The following MICALL2 variants were observed in gnomAD, a reference collection of about 807,000 sequenced individuals.
The protein encoded by MICALL2 is MICAL like 2.
In MICALL2, 111 loss-of-function variants were observed where a neutral mutation model predicts 91.1. That is an observed-to-expected ratio of 1.22 (90% confidence interval 1.04 to 1.43). The LOEUF is 1.43. MICALL2 is among the 40% of genes most tolerant of loss of function. The pLI is 0.00. For missense variants in MICALL2, 1,556 were observed against 1,236.0 expected (o/e 1.26, Z -3.88); for synonymous variants, 694 against 525.3 (o/e 1.32, Z -4.39).
At chr7:1,436,681 C>G (rs1033786798) in intron 15 of MICALL2, 61 bp downstream of exon 15, 6 of 1,317,148 alleles carry the variant, frequency 4.6e-6, no homozygotes, top group Non-Finnish European at 6.3e-6. Context: ...CCCTGAGGGC[C>G]GGGAGCATGG....
At position 1,459,378 on chromosome 7, in the gene MICALL2, G is replaced by T; in HGVS notation, c.-52C>A. The stretch of plus-strand genomic sequence containing the variant: ...GAACCGCCCTCCGACACCTTCCCGC[G>T]GCTGTGCCGCGACCGCCCGGCCGGC... On this transcript the variant is annotated 5_prime_UTR_variant, in exon 1 of 17. Coordinates refer to ENST00000297508, the MANE Select transcript of MICALL2 (RefSeq NM_182924.4). 7.2e-7 allele frequency: 1 copy of T among 1,389,194 alleles called. No individual in the cohort carries two copies. Among genetic ancestry groups the T allele is most frequent in the Non-Finnish European group, 9.3e-7 (1 of 1,073,770 alleles). 86.1% of individuals were successfully genotyped at this position (1,389,194 alleles called of 1,614,324 possible).
rs1250609362 is a variant in MICALL2, at chr7:1,438,301, G to A, written c.2175C>T (p.Thr725=). The stretch of plus-strand genomic sequence containing the variant: ...CACCACTACTCACCCTGACTGGGGA[G>A]GTCACCGTCTCGCCAGGCAGAGCAG... The part of the protein sequence containing the change: ...NVPALPGETV[T]SPVRLHPDYL... The change falls in exon 11 of 17, where the codon ACC becomes ACT. Residue 725 remains threonine, a synonymous_variant. Transcript: ENST00000297508. 4.4e-6 allele frequency: 7 copies of A among 1,601,420 alleles called. No homozygotes were observed. The East Asian group carries it at 9.0e-5, about 21-fold the overall frequency.
At chr7:1,436,689 T>G in intron 15 of MICALL2, 53 bp downstream of exon 15, 1 of 1,409,464 alleles carries the variant, frequency 7.1e-7, no homozygotes, top group Non-Finnish European at 9.7e-7. Flanking sequence ...GCCGGGAGCA[T>G]GGACCAGGCG....
At position 1,451,524 on chromosome 7, in the gene MICALL2, G is replaced by A. The variant is rs1457845753; in HGVS notation, c.144-1236C>T. On this transcript the variant is annotated intron_variant, in intron 1 of 16. Transcript: ENST00000297508. The surrounding 1 kb of genome is among the most constrained non-coding windows in gnomAD (Gnocchi z 4.5). ...TCAGAAAAACAAAAATATAGTGATC[G>A]TGACCCGTCTGTCCACGTTGCTGCC... is the stretch of plus-strand genomic sequence containing the variant. Among the ~76,000 whole-genome samples, 3 of 152,184 alleles carry A rather than the reference G, an allele frequency of 2.0e-5. No homozygotes were observed. Among genetic ancestry groups the A allele is most frequent in the Non-Finnish European group, 2.9e-5 (2 of 68,022 alleles).
At position 1,442,482 on chromosome 7, in the gene MICALL2, G is replaced by A. The variant is rs1400965405; in HGVS notation, c.1421C>T (p.Pro474Leu). 2.0e-6 allele frequency: 3 copies of A among 1,526,032 alleles called. No individual in the cohort carries two copies. The highest frequency in any genetic ancestry group is 2.3e-5 in the East Asian group (1 of 44,026). The allele number at this position is 1,526,032 out of a possible 1,614,324, so 94.5% of individuals were successfully genotyped here. A position where few individuals can be genotyped will look rare whatever the true frequency, so the allele number is the denominator to read the frequency against. The change falls in exon 7 of 17, where the codon CCC becomes CTC. Residue 474 changes from proline (P) to leucine (L), a missense_variant and splice_region_variant. By Grantham distance (98) the Pro-to-Leu change is moderately conservative. Coordinates refer to ENST00000297508, the MANE Select transcript of MICALL2 (RefSeq NM_182924.4). ...GGGAACAGCGGCAGTGGCTGGGGAGGGCCTATAAGTAAAAGCGCAGGCATC... is the reference window on the plus strand; with the variant it reads ...GGGAACAGCGGCAGTGGCTGGGGAGAGCCTATAAGTAAAAGCGCAGGCATC... ...EEAGAPAPGRPSPATAAVPSS... is the reference protein window; with the variant it reads ...EEAGAPAPGRLSPATAAVPSS...
chr7:1,459,160 C>A, intron 1 of MICALL2, 24 bp downstream of exon 1: 1 of 1,597,794 alleles, frequency 6.3e-7, no homozygotes, highest in South Asian at 1.1e-5. Flanking sequence ...GCAGAAGAAT[C>A]AAAGGGCGCC....
intron 2 of MICALL2, 135 bp downstream of exon 2, chr7:1,450,105 A>G (rs961143327): frequency 5.6e-6 from 4 of 713,444 alleles, no homozygotes; most frequent in Middle Eastern, 4.1e-4. Flanking sequence ...CGGGCTGGTC[A>G]GGGAGCCCCC....
At chr7:1,434,795 G>T in intron 16 of MICALL2, 123 bp from the exon 17 acceptor site, 1 of 1,044,060 alleles carries the variant, frequency 9.6e-7, no homozygotes, top group South Asian at 1.6e-5. Flanking sequence ...CTGGGCCTCC[G>T]AGCCTGCAGG....
chr7:1,439,290 G>C, intron 9 of MICALL2: 3 of 420,848 alleles, frequency 7.1e-6, no homozygotes, highest in Admixed American at 4.1e-5. Context: ...TACACACAGA[G>C]ATGTGTGTGC....
At chr7:1,453,318 A>G (rs141644869) in intron 1 of MICALL2, among the ~76,000 whole-genome samples, 530 of 152,122 alleles carry the variant, frequency 3.5e-3, no homozygotes, top group African/African-American at 0.012. Context: ...TGTCCTCATA[A>G]AAGGGAAATG....
rs1489373218 is a variant in MICALL2, at chr7:1,444,654, G to T, written c.1416C>A (p.Gly472=). 1 of 1,608,912 alleles carries T rather than the reference G, an allele frequency of 6.2e-7. No homozygotes were observed. ...ALEEAGAPAP[G]RPSPATAAVP... ...TCCCTCGGTCCCCACGCGCTCACCT[G>T]CCAGGCGCCGGAGCGCCAGCCTCTT... Residue 472 remains glycine (G), a splice_region_variant and synonymous_variant, in exon 6 of 17, where the codon GGC becomes GGA. Transcript: ENST00000297508.
rs200767614 is a variant in MICALL2 at position 1,436,770 on chromosome 7, C to T, written c.2563G>A (p.Val855Met). Residue 855 changes from valine to methionine, a missense_variant, in exon 15 of 17, where the codon GTG becomes ATG. Transcript: ENST00000297508. Reference protein sequence around the residue: ...VSTVNDRSDIVDSLDEDRLRE... With the variant: ...VSTVNDRSDIMDSLDEDRLRE... ...AGCCGGTCCTCGTCCAGCGAGTCCA[C>T]GATGTCACTGCGGTCGTTCACGGTG... The T allele has an allele frequency of 3.1e-6, 5 of 1,607,910 alleles. No homozygotes were observed. In the South Asian group the frequency reaches 3.3e-5, roughly 11 times the overall value.
Position 1,435,162 on chromosome 7 carries a change from G to A in MICALL2, c.2592-15C>T. ...CCTCTTGTTCCCTGAAACGGGACCA[G>A]ATGGCCATGAGCGACAATGGCAATG... On this transcript the variant is annotated splice_polypyrimidine_tract_variant and intron_variant, in intron 15 of 16. Transcript: ENST00000297508. 1.2e-6 allele frequency: 2 copies of A among 1,613,330 alleles called. No individual in the cohort carries two copies. The highest frequency in any genetic ancestry group is 1.7e-6 in the Non-Finnish European group (2 of 1,179,906).
rs777169182 is a variant in MICALL2, at chr7:1,439,912, C to T, written c.1966+13G>A. The stretch of plus-strand genomic sequence containing the variant: ...AGGCAACCCGGGGGCCCCTGGGTCC[C>T]GTCCAGGAGTACCTGGGAGGCTGGG... On this transcript the variant is annotated intron_variant, in intron 9 of 16. Transcript: ENST00000297508. 1.2e-5 allele frequency: 17 copies of T among 1,432,402 alleles called. No individual in the cohort carries two copies. Among genetic ancestry groups the T allele is most frequent in the Admixed American group, 3.5e-5 (1 of 28,592 alleles). 88.7% of individuals were successfully genotyped at this position (1,432,402 alleles called of 1,614,324 possible). A position where few individuals can be genotyped will look rare whatever the true frequency, so the allele number is the denominator to read the frequency against.
chr7:1,436,484 G>C (rs1404859894), intron 15 of MICALL2, among the ~76,000 whole-genome samples: 2 of 145,690 alleles, frequency 1.4e-5, no homozygotes, highest in African/African-American at 5.2e-5. Flanking sequence ...ACCTGGAAGG[G>C]ACAGGTTGCA....
intron 2 of MICALL2, 78 bp from the exon 3 acceptor site, chr7:1,448,839 C>T (rs1304351419): frequency 1.1e-5 from 17 of 1,556,882 alleles, no homozygotes; most frequent in Non-Finnish European, 8.8e-7. Flanking sequence ...CACCTCGACT[C>T]AAAGACACAG....
At position 1,451,046 on chromosome 7, in the gene MICALL2, G is replaced by A. The variant is rs1780808578; in HGVS notation, c.144-758C>T. Among the ~76,000 whole-genome samples the A allele has an allele frequency of 6.6e-6, 1 of 152,182 alleles. No individual in the cohort carries two copies. Among genetic ancestry groups the A allele is most frequent in the Non-Finnish European group, 1.5e-5 (1 of 68,018 alleles). On this transcript the variant is annotated intron_variant, in intron 1 of 16. Transcript: ENST00000297508. The surrounding 1 kb of genome is among the most constrained non-coding windows in gnomAD (Gnocchi z 4.5). ...AGGTTACATGGTTCTCTCTTTGGGT[G>A]GTGGAGTGCCTTCCCAGGTGCTCAG...
Position 1,448,513 on chromosome 7 carries a change from T to TGGG in MICALL2, c.334+104_334+106dup, listed in dbSNP as rs111737157. ...CGGTGCCCATGCCAGGGGCCATTCT[T>TGGG]GGGGGGGGGGCTGGGCATGGACCCC... On this transcript the variant is annotated intron_variant, in intron 3 of 16. Transcript: ENST00000297508. The TGGG allele has an allele frequency of 5.3e-5, 46 of 859,878 alleles. No homozygotes were observed. In the African/African-American group the frequency reaches 6.4e-4, roughly 12 times the overall value. 53.3% of individuals were successfully genotyped at this position (859,878 alleles called of 1,614,324 possible).
At position 1,435,861 on chromosome 7, in the gene MICALL2, C is replaced by T. The variant is rs549923992; in HGVS notation, c.2592-714G>A. ...CGAGGTCAGATCGAGACCATCCTGG[C>T]TAACATGGGGAAACCCCGTCTCTAC... On this transcript the variant is annotated intron_variant, in intron 15 of 16. Coordinates refer to ENST00000297508, the MANE Select transcript of MICALL2 (RefSeq NM_182924.4). Among the ~76,000 whole-genome samples the T allele has an allele frequency of 2.0e-5, 3 of 152,114 alleles. 1 individual carries two copies. The highest frequency in any genetic ancestry group is 4.2e-4 in the South Asian group (2 of 4,816).
Sources: gnomAD v4.1 joint callset for allele counts (sites outside exome capture counted in the v4.1 genomes callset) on GRCh38, gnomAD v4.1.1 for gene constraint, Gnocchi (gnomAD v3.1) non-coding constraint, MANE v1.5 for transcripts, NCBI Gene and HGNC (gene_info 2026-07-23, HGNC 2026-07-21) for gene names.